The following ATP1B3 variants were observed in gnomAD, a reference collection of about 807,000 sequenced individuals.
ATP1B3 encodes sodium/potassium-transporting ATPase subunit beta-3.
ATP1B3 carries 10 observed loss-of-function variants against 30.2 expected under a neutral mutation model. The observed-to-expected ratio is 0.33, with a 90% CI of 0.20 to 0.56. The LOEUF (loss-of-function observed/expected upper bound fraction) is 0.56. Ranked by LOEUF, ATP1B3 falls within the 20% of genes least tolerant of loss-of-function variation. The probability of loss-of-function intolerance (pLI) is 0.90; values close to 1 mark genes in which losing one functional copy is unlikely to be tolerated. For synonymous variants in ATP1B3, 113 were observed against 117.0 expected (o/e 0.97, Z 0.22); for missense variants, 238 against 336.7 (o/e 0.71, Z 2.29).
rs1436749912 is a variant in ATP1B3, at chr3:141,903,620, G to C, written c.110G>C (p.Gly37Ala). ...TCATAAGTTTTATTTTCTTTTACAG[G>C]TTTGATCTTGCTCTTCTACCTAGTT... is the stretch of plus-strand genomic sequence containing the variant. ...EFLGRTAKSWGLILLFYLVFY... is the reference protein window; with the variant it reads ...EFLGRTAKSWALILLFYLVFY... The change falls in exon 2 of 7, where the codon GGT becomes GCT. Residue 37 changes from glycine to alanine, a missense_variant and splice_region_variant. Physicochemically the swap from Gly to Ala is moderately conservative, Grantham distance 60 (BLOSUM62 0). Coordinates refer to ENST00000286371, the MANE Select transcript of ATP1B3 (RefSeq NM_001679.4). 1.2e-6 allele frequency: 2 copies of C among 1,613,492 alleles called. No individual in the cohort carries two copies. The highest frequency in any genetic ancestry group is 1.7e-6 in the Non-Finnish European group (2 of 1,179,686).
chr3:141,905,194 A>G (rs1208124576), intron 2 of ATP1B3, among the ~76,000 whole-genome samples: 1 of 152,230 alleles, frequency 6.6e-6, no homozygotes. Flanking sequence ...AAGAAAGTTC[A>G]GTCCTAGAGG....
intron 1 of ATP1B3, among the ~76,000 whole-genome samples, chr3:141,883,176 A>C (rs1326025397): frequency 6.6e-6 from 1 of 152,192 alleles, no homozygotes; most frequent in Non-Finnish European, 1.5e-5. Flanking sequence ...TGATACCCAG[A>C]AAACATCTTT....
At chr3:141,914,607 A>T (rs745395939) in intron 4 of ATP1B3, among the ~76,000 whole-genome samples, 1 of 152,234 alleles carries the variant, frequency 6.6e-6, no homozygotes, top group Non-Finnish European at 1.5e-5. Flanking sequence ...GAGGCCTGCA[A>T]GGTCTCCCTT....
intron 1 of ATP1B3, among the ~76,000 whole-genome samples, chr3:141,884,676 C>T (rs1933796687): frequency 6.6e-6 from 1 of 152,192 alleles, no homozygotes; most frequent in African/African-American, 2.4e-5. Flanking sequence ...CCCTAGCCTC[C>T]TAGCCTACAT....
intron 6 of ATP1B3, among the ~76,000 whole-genome samples, chr3:141,924,436 C>A (rs534388408): frequency 1.3e-5 from 2 of 150,964 alleles, no homozygotes; most frequent in Non-Finnish European, 2.9e-5. Flanking sequence ...GTCAGGAGTT[C>A]GAGACCAGCC....
chr3:141,905,993 C>G (rs918944423), intron 2 of ATP1B3, among the ~76,000 whole-genome samples: 4 of 151,090 alleles, frequency 2.6e-5, no homozygotes, highest in Non-Finnish European at 5.9e-5. Flanking sequence ...TAAACATTTC[C>G]TTATTTAATA....
intron 5 of ATP1B3, among the ~76,000 whole-genome samples, chr3:141,920,700 A>G (rs187524587): frequency 6.6e-6 from 1 of 152,328 alleles, no homozygotes; most frequent in African/African-American, 2.4e-5. Context: ...CAGAGTGACT[A>G]GTTTTTCTCT....
intron 5 of ATP1B3, 166 bp from the exon 6 acceptor site, chr3:141,921,811 A>C (rs1934568019): frequency 4.2e-6 from 2 of 475,562 alleles, no homozygotes; most frequent in Non-Finnish European, 7.5e-6. Flanking sequence ...TTTGCAATCA[A>C]GATGAGCAAG....
At chr3:141,899,706 C>G (rs1396312239) in intron 1 of ATP1B3, among the ~76,000 whole-genome samples, 2 of 152,130 alleles carry the variant, frequency 1.3e-5, no homozygotes, top group Non-Finnish European at 1.5e-5. Flanking sequence ...CCCGTCTCTA[C>G]TAAAAATACA....
intron 6 of ATP1B3, among the ~76,000 whole-genome samples, chr3:141,923,320 G>A (rs955041112): frequency 2.6e-5 from 4 of 151,924 alleles, no homozygotes; most frequent in Admixed American, 1.3e-4. Flanking sequence ...AGTTATCATA[G>A]GAGTGGGACT....
At chr3:141,899,899 C>T (rs563584651) in intron 1 of ATP1B3, among the ~76,000 whole-genome samples, 1 of 152,102 alleles carries the variant, frequency 6.6e-6, no homozygotes, top group South Asian at 2.1e-4. Context: ...AGTGTGGTGG[C>T]ACACAACTGT....
intron 1 of ATP1B3, among the ~76,000 whole-genome samples, chr3:141,896,406 A>C (rs1171484439): frequency 1.3e-5 from 2 of 152,074 alleles, no homozygotes; most frequent in Non-Finnish European, 2.9e-5. Context: ...CTGTAGTCCT[A>C]GCTACTGGGG....
chr3:141,905,501 A>G (rs1000193111), intron 2 of ATP1B3, among the ~76,000 whole-genome samples: 1 of 152,224 alleles, frequency 6.6e-6, no homozygotes, highest in Non-Finnish European at 1.5e-5. Context: ...CTTCTGAGCT[A>G]TATCACCAGC....
chr3:141,910,324 C>T (rs1278198953), intron 3 of ATP1B3, among the ~76,000 whole-genome samples: 1 of 152,128 alleles, frequency 6.6e-6, no homozygotes, highest in African/African-American at 2.4e-5. Context: ...TGAACTTTTT[C>T]TTACGGTGTT....
intron 3 of ATP1B3, among the ~76,000 whole-genome samples, chr3:141,910,172 A>G (rs374879778): frequency 7.2e-5 from 11 of 151,954 alleles, no homozygotes; most frequent in African/African-American, 2.2e-4. Context: ...GGGTCTTGCT[A>G]TGTTGCCCAG....
chr3:141,893,754 T>A (rs1404866957), intron 1 of ATP1B3, among the ~76,000 whole-genome samples: 6 of 152,234 alleles, frequency 3.9e-5, no homozygotes, highest in Non-Finnish European at 7.3e-5. Context: ...TGAACATTTA[T>A]CACCCCAAAC....
chr3:141,918,820 G>A (rs768737359), intron 5 of ATP1B3: 4 of 152,160 alleles, frequency 2.6e-5, no homozygotes, highest in Non-Finnish European at 5.9e-5. Context: ...AAATGTTAAT[G>A]AAAAACCCAG....
At chr3:141,877,852 A>G (rs1469815713) in intron 1 of ATP1B3, among the ~76,000 whole-genome samples, 1 of 102,388 alleles carries the variant, frequency 9.8e-6, no homozygotes, top group Non-Finnish European at 2.0e-5. Context: ...TTTTGCCTTT[A>G]TACTTAAGTA....
intron 1 of ATP1B3, among the ~76,000 whole-genome samples, chr3:141,887,326 T>C (rs1477902317): frequency 6.6e-6 from 1 of 152,228 alleles, no homozygotes; most frequent in Non-Finnish European, 1.5e-5. Flanking sequence ...AAATGGGATG[T>C]GGACTCTTGG....
Sources: gnomAD v4.1 joint callset for allele counts (sites outside exome capture counted in the v4.1 genomes callset) on GRCh38, gnomAD v4.1.1 for gene constraint, MANE v1.5 for transcripts, NCBI Gene and HGNC (gene_info 2026-07-23, HGNC 2026-07-21) for gene names.